Variants in PDHX observed in about 807,000 individuals in gnomAD.
The protein encoded by PDHX is pyruvate dehydrogenase protein X component, mitochondrial.
Under a neutral mutation model 55.3 loss-of-function variants are expected in PDHX, and 33 were observed. That is an observed-to-expected ratio of 0.60 (90% confidence interval 0.45 to 0.80). The LOEUF (loss-of-function observed/expected upper bound fraction) is 0.80, where lower values mean the gene tolerates loss of function less well. Ranked by LOEUF, PDHX falls within the 30% of genes least tolerant of loss-of-function variation. The probability of loss-of-function intolerance (pLI) is 0.00; values close to 1 mark genes in which losing one functional copy is unlikely to be tolerated. For missense variants in PDHX, 622 were observed against 619.9 expected, an observed-to-expected ratio of 1.00 and a Z score of -0.04; for synonymous variants, 226 against 219.4, an observed-to-expected ratio of 1.03 and a Z score of -0.27.
At chr11:34,928,877 T>A (rs1854087571) in intron 1 of PDHX, among the ~76,000 whole-genome samples, 1 of 152,190 alleles carries the variant, frequency 6.6e-6, no homozygotes, top group Non-Finnish European at 1.5e-5. Context: ...ACATTATGGT[T>A]GTATTTAGTA....
chr11:34,988,208 G>A (rs550826215), intron 9 of PDHX, among the ~76,000 whole-genome samples: 3 of 152,236 alleles, frequency 2.0e-5, no homozygotes, highest in African/African-American at 4.8e-5. Context: ...AGAAGTATTT[G>A]TACTGCTTAA....
At chr11:34,949,550 T>C (rs528678406) in intron 3 of PDHX, among the ~76,000 whole-genome samples, 11 of 151,808 alleles carry the variant, frequency 7.2e-5, no homozygotes, top group Non-Finnish European at 1.3e-4. Context: ...ACTAGTAAAT[T>C]TTGATACAAA....
Position 34,954,629 on chromosome 11 carries a change from G to T in PDHX, c.343-2755G>T, listed in dbSNP as rs115115755. Among the ~76,000 whole-genome samples, 1,130 of 152,304 alleles carry T rather than the reference G, an allele frequency of 7.4e-3. 17 individuals are homozygous for T. Among genetic ancestry groups the T allele is most frequent in the African/African-American group, 0.026 (1,085 of 41,552 alleles). On this transcript the variant is annotated intron_variant, in intron 3 of 10. Coordinates refer to ENST00000227868, the MANE Select transcript of PDHX (RefSeq NM_003477.3). ...ATGAATTTCTAACCCATACCAAGGG[G>T]TCAGTCCCCTGTAGTCTAATCTTGA...
intron 1 of PDHX, among the ~76,000 whole-genome samples, chr11:34,927,611 C>T (rs542569995): frequency 6.6e-6 from 1 of 151,960 alleles, no homozygotes; most frequent in African/African-American, 2.4e-5. Context: ...CAGAAAAATA[C>T]GTCTGGAAAA....
Position 34,952,509 on chromosome 11 carries a change from A to G in PDHX, c.343-4875A>G, listed in dbSNP as rs569567101. 5.2e-3 allele frequency among the ~76,000 whole-genome samples: 784 copies of G among 151,432 alleles called. 7 individuals are homozygous for G. The highest frequency in any genetic ancestry group is 0.018 in the African/African-American group (740 of 41,358). ...TATCCACCATGACCAAGTGGGCTTC[A>G]TCCCTGGGATGCAAGGCTGGTTCAA... On this transcript the variant is annotated intron_variant, in intron 3 of 10. Transcript: ENST00000227868.
chr11:34,994,759 A>G (rs1855823326), intron 10 of PDHX, among the ~76,000 whole-genome samples, 155 bp from the exon 11 acceptor site: 1 of 152,164 alleles, frequency 6.6e-6, no homozygotes, highest in Non-Finnish European at 1.5e-5. Flanking sequence ...CAATTAATTT[A>G]TTTGTAAATA....
At position 34,980,352 on chromosome 11, in the gene PDHX, C is replaced by CTTT. The variant is rs57927359; in HGVS notation, c.1023+2182_1023+2184dup. ...TTTTTAATAAGGTTTAAGATAGTTTCTTTTTTTTTTTTTTGAGCAGCAGCA... is the reference window on the plus strand; with the variant it reads ...TTTTTAATAAGGTTTAAGATAGTTTCTTTTTTTTTTTTTTTTTGAGCAGCAGCA... On this transcript the variant is annotated intron_variant, in intron 8 of 10. Transcript: ENST00000227868. Among the ~76,000 whole-genome samples the CTTT allele has an allele frequency of 8.7e-4, 65 of 74,860 alleles. 10 individuals carry two copies. Among genetic ancestry groups the CTTT allele is most frequent in the African/African-American group, 2.8e-3 (57 of 20,002 alleles). The allele number at this position is 74,860 out of a possible 152,430, so 49.1% of individuals were successfully genotyped here.
At chr11:34,916,587 T>C, upstream of PDHX, 1 of 1,583,580 alleles carries the variant, frequency 6.3e-7, no homozygotes, top group Non-Finnish European at 8.5e-7. Flanking sequence ...TGGCCAACCA[T>C]GCGGGAGGCG....
At chr11:34,926,698 GCATTCATGAATCAAT>G in intron 1 of PDHX, among the ~76,000 whole-genome samples, 1 of 151,960 alleles carries the variant, frequency 6.6e-6, no homozygotes, top group East Asian at 1.9e-4. Context: ...AGACCTTTTA[GCATTCATGAATCAAT>G]CATCAATTTA....
intron 3 of PDHX, 147 bp from the exon 4 acceptor site, chr11:34,957,237 G>C: frequency 1.5e-6 from 1 of 663,382 alleles, no homozygotes; most frequent in Non-Finnish European, 2.7e-6. Context: ...GAAGGTGACA[G>C]GTGGAAGGCA....
Position 34,956,084 on chromosome 11 carries a change from G to T in PDHX, c.343-1300G>T, listed in dbSNP as rs137917974. Reference sequence around the variant, plus strand: ...ATAGTAAAGAAAAAGGAACTCTGCAGAAGCAAAATTTTTTAGTATGTGGCA... The same window carrying T: ...ATAGTAAAGAAAAAGGAACTCTGCATAAGCAAAATTTTTTAGTATGTGGCA... On this transcript the variant is annotated intron_variant, in intron 3 of 10. Transcript: ENST00000227868. Among the ~76,000 whole-genome samples, 1,180 of 152,160 alleles carry T rather than the reference G, an allele frequency of 7.8e-3. 18 individuals are homozygous for T. The highest frequency in any genetic ancestry group is 0.027 in the African/African-American group (1,132 of 41,536).
chr11:34,988,639 G>A (rs1054314845), intron 9 of PDHX, among the ~76,000 whole-genome samples: 1 of 151,596 alleles, frequency 6.6e-6, no homozygotes, highest in Non-Finnish European at 1.5e-5. Context: ...GGACTCAACA[G>A]TTATACCAAA....
At chr11:34,916,134 G>T (rs35924042), upstream of PDHX, 40 of 1,499,296 alleles carry the variant, frequency 2.7e-5, no homozygotes, top group African/African-American at 5.1e-4. Context: ...GCAGCTAAAC[G>T]CCCGGCCCGC....
At chr11:34,936,675 G>T (rs1006876502) in intron 2 of PDHX, among the ~76,000 whole-genome samples, 23 of 151,920 alleles carry the variant, frequency 1.5e-4, no homozygotes, top group African/African-American at 5.6e-4. Context: ...TTATTGGAAG[G>T]ATCTTGAATG....
intron 2 of PDHX, among the ~76,000 whole-genome samples, chr11:34,943,347 G>C (rs1327526624): frequency 1.3e-5 from 2 of 152,118 alleles, no homozygotes; most frequent in Non-Finnish European, 2.9e-5. Flanking sequence ...AGCTGAAGTC[G>C]AATCTGTAGT....
chr11:34,986,026 T>C (rs1387123056), intron 9 of PDHX, among the ~76,000 whole-genome samples: 1 of 152,188 alleles, frequency 6.6e-6, no homozygotes, highest in Non-Finnish European at 1.5e-5. Flanking sequence ...AAAATGAGGC[T>C]GCACATGGTG....
intron 8 of PDHX, among the ~76,000 whole-genome samples, chr11:34,980,815 T>G (rs1212091715): frequency 1.3e-5 from 2 of 152,082 alleles, no homozygotes; most frequent in East Asian, 3.9e-4. Context: ...GGAATCAAAT[T>G]GTATATTGCC....
chr11:34,949,249 T>A (rs1190102323), intron 3 of PDHX, among the ~76,000 whole-genome samples: 22 of 152,122 alleles, frequency 1.4e-4, no homozygotes, highest in Admixed American at 1.4e-3. Context: ...TTTTTGTTTT[T>A]GTTTTTGTTT....
chr11:34,934,830 C>T (rs903259835), intron 2 of PDHX, among the ~76,000 whole-genome samples: 3 of 151,752 alleles, frequency 2.0e-5, no homozygotes, highest in East Asian at 1.9e-4. Context: ...TCTCCTGCCT[C>T]GACCTCCCAA....
Sources: allele counts gnomAD v4.1 joint callset (sites outside exome capture counted in the v4.1 genomes callset), GRCh38; gene constraint gnomAD v4.1.1; transcripts MANE v1.5; gene names NCBI Gene and HGNC (gene_info 2026-07-23, HGNC 2026-07-21).